PAX7: variants seen among roughly 807,000 people sequenced by gnomAD.
PAX7 encodes the protein paired box protein Pax-7.
In PAX7, 18 loss-of-function variants were observed where a neutral mutation model predicts 50.7. The observed-to-expected ratio is 0.36, with a 90% CI of 0.25 to 0.53. The LOEUF is 0.53. Ranked by LOEUF, PAX7 falls within the 20% of genes least tolerant of loss-of-function variation. The pLI, the probability that PAX7 is intolerant of heterozygous loss-of-function variation, is 0.93. For missense variants in PAX7, 644 were observed against 702.9 expected (o/e 0.92, Z 0.95); for synonymous variants, 310 against 290.4 (o/e 1.07, Z -0.69).
At chr1:18,733,138 C>T (rs1570243150) in intron 7 of PAX7, among the ~76,000 whole-genome samples, 1 of 108,550 alleles carries the variant, frequency 9.2e-6, no homozygotes, top group East Asian at 2.7e-4. Flanking sequence ...TGCCCTGGGA[C>T]CTTGCTCTCC....
chr1:18,674,217 C>G (rs1378751206), intron 4 of PAX7, among the ~76,000 whole-genome samples: 1 of 152,186 alleles, frequency 6.6e-6, no homozygotes, highest in African/African-American at 2.4e-5. Flanking sequence ...AGATAAAATC[C>G]TTATCTTCTT....
At chr1:18,736,045 C>T (rs2089709341) in intron 8 of PAX7, 167 bp downstream of exon 8, 2 of 1,450,498 alleles carry the variant, frequency 1.4e-6, no homozygotes, top group Admixed American at 1.9e-5. Flanking sequence ...CCTAAAATGA[C>T]ACTGAGTTGG....
At chr1:18,720,550 G>C (rs982153887) in intron 7 of PAX7, among the ~76,000 whole-genome samples, 27 of 152,268 alleles carry the variant, frequency 1.8e-4, no homozygotes, top group African/African-American at 6.3e-4. Context: ...CCCAGAGAGA[G>C]CTGGGGTATG....
At chr1:18,691,382 C>T (rs948016648) in intron 4 of PAX7, among the ~76,000 whole-genome samples, 23 of 152,164 alleles carry the variant, frequency 1.5e-4, no homozygotes, top group African/African-American at 5.6e-4. Context: ...AAGTGTATCT[C>T]ACCACGAAAC....
At chr1:18,638,617 A>C (rs1435907846) in intron 4 of PAX7, among the ~76,000 whole-genome samples, 1 of 152,130 alleles carries the variant, frequency 6.6e-6, no homozygotes, top group Non-Finnish European at 1.5e-5. Context: ...TCTTAGTGTG[A>C]CTGTTTACCC....
intron 7 of PAX7, among the ~76,000 whole-genome samples, chr1:18,714,202 G>A (rs368884456): frequency 1.8e-4 from 13 of 72,292 alleles, no homozygotes; most frequent in East Asian, 4.8e-4. Flanking sequence ...ATGAGGCTCC[G>A]TCTCAAATAA....
chr1:18,668,204 A>G (rs535321804), intron 4 of PAX7, among the ~76,000 whole-genome samples: 1 of 152,278 alleles, frequency 6.6e-6, no homozygotes, highest in South Asian at 2.1e-4. Context: ...CCAGGCTGAG[A>G]AGTTCTGGCC....
chr1:18,650,094 G>T (rs984831595), intron 4 of PAX7, among the ~76,000 whole-genome samples: 2 of 152,208 alleles, frequency 1.3e-5, no homozygotes, highest in Non-Finnish European at 2.9e-5. Context: ...CTTTGTCCTG[G>T]GAAGAGCAAG....
intron 4 of PAX7, among the ~76,000 whole-genome samples, chr1:18,674,399 A>G (rs2088795696): frequency 6.6e-6 from 1 of 152,204 alleles, no homozygotes; most frequent in Admixed American, 6.5e-5. Flanking sequence ...TGATTGCTGA[A>G]CACAAAGGAA....
chr1:18,697,012 T>C (rs1160663902), intron 5 of PAX7, among the ~76,000 whole-genome samples: 2 of 152,006 alleles, frequency 1.3e-5, no homozygotes, highest in Admixed American at 1.3e-4. Context: ...ATCCCCTCTA[T>C]CCTATAAATA....
At chr1:18,731,212 C>A (rs1330907520) in intron 7 of PAX7, among the ~76,000 whole-genome samples, 1 of 152,208 alleles carries the variant, frequency 6.6e-6, no homozygotes, top group Non-Finnish European at 1.5e-5. Context: ...AGGCTCCGGA[C>A]CTCAGCTGGA....
chr1:18,741,211 G>A (rs1402580785), intron 8 of PAX7, among the ~76,000 whole-genome samples: 1 of 152,188 alleles, frequency 6.6e-6, no homozygotes, highest in Non-Finnish European at 1.5e-5. Context: ...CACTTTGGGA[G>A]GCCAAAGTGG....
At position 18,706,845 on chromosome 1, in the gene PAX7, C is replaced by T. The variant is rs556560616; in HGVS notation, c.1155+3549C>T. Among the ~76,000 whole-genome samples the T allele has an allele frequency of 4.6e-5, 7 of 152,196 alleles. No individual in the cohort carries two copies. The South Asian group carries it at 6.2e-4, about 14-fold the overall frequency. On this transcript the variant is annotated intron_variant, in intron 7 of 8. Coordinates refer to ENST00000420770, the MANE Select transcript of PAX7 (RefSeq NM_001135254.2). ...CTGGAGGATGAATTTGTGGCTCTAC[C>T]GAGAACCTGGACAGACCCGGGTTAA...
At chr1:18,672,522 C>T (rs2088765210) in intron 4 of PAX7, among the ~76,000 whole-genome samples, 1 of 151,918 alleles carries the variant, frequency 6.6e-6, no homozygotes, top group African/African-American at 2.4e-5. Context: ...GCAGCATCTT[C>T]CCAGGATATG....
rs550961471 is a variant in PAX7 at position 18,642,600 on chromosome 1, C to T, written c.586+6229C>T. ...GAGGCGCTGGGAAGATTAGGATGCC[C>T]CCCTCAGTTTTTGCTGTCCGGGGCC... On this transcript the variant is annotated intron_variant, in intron 4 of 8. Coordinates refer to ENST00000420770, the MANE Select transcript of PAX7 (RefSeq NM_001135254.2). 2.0e-5 allele frequency among the ~76,000 whole-genome samples: 3 copies of T among 152,256 alleles called. No homozygotes were observed. The East Asian group carries it at 5.8e-4, about 29-fold the overall frequency.
rs535455996 is a variant in PAX7 at position 18,747,435 on chromosome 1, C to T, written c.*2506C>T. On this transcript the variant is annotated 3_prime_UTR_variant, in exon 9 of 9. Coordinates refer to ENST00000420770, the MANE Select transcript of PAX7 (RefSeq NM_001135254.2). ...CCCCTTCAGAAAGAGGCCCTTGACC[C>T]TGATAGGTTCTCTCTAAAACCCGTA... 4 of 225,224 alleles carry T rather than the reference C, an allele frequency of 1.8e-5. No individual in the cohort carries two copies. The South Asian group carries it at 7.3e-4, about 41-fold the overall frequency. The allele number at this position is 225,224 out of a possible 1,614,324, so 14.0% of individuals were successfully genotyped here. A position where few individuals can be genotyped will look rare whatever the true frequency, so the allele number is the denominator to read the frequency against.
chr1:18,639,693 G>A lies in PAX7; in HGVS notation c.586+3322G>A, dbSNP rs547504778. The stretch of plus-strand genomic sequence containing the variant: ...AGATTCTTGTGGGGAATTTGATAGG[G>A]GTTTGCAATGGGTCAAACCGTTCCT... On this transcript the variant is annotated intron_variant, in intron 4 of 8. Coordinates refer to ENST00000420770, the MANE Select transcript of PAX7 (RefSeq NM_001135254.2). 2.0e-4 allele frequency among the ~76,000 whole-genome samples: 30 copies of A among 152,220 alleles called. 1 individual carries two copies. In the South Asian group the frequency reaches 6.2e-3, roughly 32 times the overall value.
At position 18,634,152 on chromosome 1, in the gene PAX7, T is replaced by C. The variant is rs1202326949; in HGVS notation, c.86-151T>C. 8.1e-6 allele frequency: 5 copies of C among 618,010 alleles called. No homozygotes were observed. Among genetic ancestry groups the C allele is most frequent in the Admixed American group, 5.7e-5 (2 of 35,250 alleles). The allele number at this position is 618,010 out of a possible 1,614,324, so 38.3% of individuals were successfully genotyped here. On this transcript the variant is annotated intron_variant, in intron 1 of 8. Transcript: ENST00000420770. The surrounding 1 kb of genome is among the most constrained non-coding windows in gnomAD (Gnocchi z 4.0). ...ACAGTTGTTTCTCAAACTACCTACC[T>C]ACCGAAGCCCCAGTGTGAGGACCAC...
intron 7 of PAX7, among the ~76,000 whole-genome samples, chr1:18,710,028 C>T (rs1258960823): frequency 1.3e-5 from 2 of 152,224 alleles, no homozygotes; most frequent in Non-Finnish European, 2.9e-5. Context: ...CCCAGTACTG[C>T]CCTCCTGGCA....
Sources: allele counts gnomAD v4.1 joint callset (sites outside exome capture counted in the v4.1 genomes callset), GRCh38; gene constraint gnomAD v4.1.1; non-coding constraint Gnocchi (gnomAD v3.1); transcripts MANE v1.5; gene names NCBI Gene and HGNC (gene_info 2026-07-23, HGNC 2026-07-21).